The following AGBL4 variants were observed in gnomAD, a reference collection of about 807,000 sequenced individuals.
The protein encoded by AGBL4 is cytosolic carboxypeptidase 6.
Under a neutral mutation model 66.4 loss-of-function variants are expected in AGBL4, and 58 were observed. That is an observed-to-expected ratio of 0.87 (90% CI 0.71 to 1.09). AGBL4 has a LOEUF of 1.09. AGBL4 is among the 50% of genes least tolerant of loss of function. The pLI is 0.00. For missense variants in AGBL4, 579 were observed against 631.0 expected (o/e 0.92, Z 0.88); for synonymous variants, 234 against 222.9 (o/e 1.05, Z -0.44).
In AGBL4 at chr1:49,735,296, G is replaced by GTGTGT. The variant is rs1649779120; in HGVS notation, c.158-37860_158-37859insACACA. Among the ~76,000 whole-genome samples, 158 of 127,386 alleles carry GTGTGT rather than the reference G, an allele frequency of 1.2e-3. 1 individual carries two copies. The highest frequency in any genetic ancestry group is 4.9e-3 in the African/African-American group (151 of 30,846). The allele number at this position is 127,386 out of a possible 152,430, so 83.6% of individuals were successfully genotyped here. ...TAAAACAAAGAGGTAGAGGTGTGTG[G>GTGTGT]GTGTGTGTGTGTGTGTGTGTGTGTG... On this transcript the variant is annotated intron_variant, in intron 2 of 13. Coordinates refer to ENST00000371839, the MANE Select transcript of AGBL4 (RefSeq NM_032785.4).
At chr1:48,796,589 T>C (rs1339342613) in intron 6 of AGBL4, among the ~76,000 whole-genome samples, 1 of 152,210 alleles carries the variant, frequency 6.6e-6, no homozygotes, top group African/African-American at 2.4e-5. Context: ...ATATACATAG[T>C]TGGGCACAGC....
At chr1:49,168,061 T>G (rs747047925) in intron 4 of AGBL4, among the ~76,000 whole-genome samples, 2 of 152,240 alleles carry the variant, frequency 1.3e-5, no homozygotes, top group Non-Finnish European at 2.9e-5. Context: ...GTAGGTTATA[T>G]GCAAATGCTA....
chr1:49,882,055 G>T (rs1272181970), intron 1 of AGBL4, among the ~76,000 whole-genome samples: 1 of 151,962 alleles, frequency 6.6e-6, no homozygotes, highest in East Asian at 1.9e-4. Context: ...ATCTTGAATT[G>T]ATTTTCATAT....
At chr1:49,833,314 C>T (rs1221557890) in intron 2 of AGBL4, among the ~76,000 whole-genome samples, 8 of 150,866 alleles carry the variant, frequency 5.3e-5, no homozygotes, top group Non-Finnish European at 6.0e-5. Context: ...AGATATGCGG[C>T]GTTATTTCTG....
chr1:49,741,442 A>C (rs539427945), intron 2 of AGBL4, among the ~76,000 whole-genome samples: 1 of 152,344 alleles, frequency 6.6e-6, no homozygotes, highest in East Asian at 1.9e-4. Flanking sequence ...CCAACAGCAA[A>C]TGGATTCACA....
intron 3 of AGBL4, among the ~76,000 whole-genome samples, chr1:49,451,263 C>A (rs373995650): frequency 1.6e-4 from 25 of 151,966 alleles, no homozygotes; most frequent in East Asian, 5.8e-4. Flanking sequence ...CTTTGACTTC[C>A]AGACCCAAAT....
rs1285308574 is a variant in AGBL4, at chr1:49,808,427, AACTT to A, written c.157+42965_157+42968del. On this transcript the variant is annotated intron_variant, in intron 2 of 13. Transcript: ENST00000371839. ...ACTGACTTTGGGGTGCCTCTCAGAC[AACTT>A]ACTTCATAAATGCACAGAGCTGAAT... 3.9e-5 allele frequency among the ~76,000 whole-genome samples: 6 copies of A among 152,196 alleles called. No homozygotes were observed. In the East Asian group the frequency reaches 1.2e-3, roughly 29 times the overall value.
chr1:49,486,619 CT>C (rs1383452011), intron 3 of AGBL4, among the ~76,000 whole-genome samples: 1 of 151,980 alleles, frequency 6.6e-6, no homozygotes, highest in Non-Finnish European at 1.5e-5. Flanking sequence ...CCCTCACTAC[CT>C]ATTTCACTCT....
At chr1:49,318,427 A>G (rs1467964977) in intron 3 of AGBL4, among the ~76,000 whole-genome samples, 1 of 150,586 alleles carries the variant, frequency 6.6e-6, no homozygotes, top group African/African-American at 2.5e-5. Context: ...GATGATGATG[A>G]CGGCAATGAT....
chr1:49,878,251 T>A (rs1246552130), intron 1 of AGBL4, among the ~76,000 whole-genome samples: 3 of 149,836 alleles, frequency 2.0e-5, no homozygotes, highest in Admixed American at 1.3e-4. Flanking sequence ...ATTGTGATCT[T>A]AGGGTGTCAA....
chr1:48,670,339 C>T (rs750312184), intron 6 of AGBL4, among the ~76,000 whole-genome samples: 2 of 152,230 alleles, frequency 1.3e-5, no homozygotes, highest in Non-Finnish European at 2.9e-5. Flanking sequence ...GAACGAGTGA[C>T]TTGCCCCTGG....
intron 3 of AGBL4, among the ~76,000 whole-genome samples, chr1:49,624,563 C>A (rs1558111543): frequency 6.6e-6 from 1 of 152,174 alleles, no homozygotes; most frequent in Non-Finnish European, 1.5e-5. Context: ...GGTAAAATAT[C>A]TTTAAACGCA....
chr1:49,985,260 T>C (rs188595350), intron 1 of AGBL4, among the ~76,000 whole-genome samples: 40 of 152,274 alleles, frequency 2.6e-4, no homozygotes, highest in African/African-American at 9.4e-4. Context: ...ATTGAAATTA[T>C]TTTTTAAAAT....
In AGBL4 at chr1:48,742,454, C is replaced by T. The variant is rs956636190; in HGVS notation, c.635-79213G>A. 1.3e-5 allele frequency among the ~76,000 whole-genome samples: 2 copies of T among 152,164 alleles called. 1 individual carries two copies. Among genetic ancestry groups the T allele is most frequent in the South Asian group, 4.2e-4 (2 of 4,796 alleles). On this transcript the variant is annotated intron_variant, in intron 6 of 13. Coordinates refer to ENST00000371839, the MANE Select transcript of AGBL4 (RefSeq NM_032785.4). Reference sequence around the variant, plus strand: ...AAGGAAGAAGGAAGAGAAAACGCCCCAGCAAAGCTACGCTACTGATAGTAT... The same window carrying T: ...AAGGAAGAAGGAAGAGAAAACGCCCTAGCAAAGCTACGCTACTGATAGTAT...
chr1:49,081,387 T>A (rs1327660076), intron 4 of AGBL4, among the ~76,000 whole-genome samples: 1 of 152,206 alleles, frequency 6.6e-6, no homozygotes, highest in Admixed American at 6.5e-5. Context: ...AGTTTCTTTG[T>A]CTACAGAATG....
chr1:49,798,305 A>C (rs1316888752), intron 2 of AGBL4, among the ~76,000 whole-genome samples: 1 of 152,212 alleles, frequency 6.6e-6, no homozygotes, highest in African/African-American at 2.4e-5. Context: ...TAAGTTAAGC[A>C]GTGTTAAGAA....
rs1650193024 is a variant in AGBL4, at chr1:48,743,168, T to G, written c.635-79927A>C. Among the ~76,000 whole-genome samples, 3 of 152,152 alleles carry G rather than the reference T, an allele frequency of 2.0e-5. No individual in the cohort carries two copies. In the South Asian group the frequency reaches 6.2e-4, roughly 32 times the overall value. ...AAATCCTCACCTCAGTATCTTACAG[T>G]GGAGAAGGCCGTAACAGAAGAAGGG... On this transcript the variant is annotated intron_variant, in intron 6 of 13. Transcript: ENST00000371839.
At chr1:49,801,592 T>G (rs991434976) in intron 2 of AGBL4, among the ~76,000 whole-genome samples, 1 of 152,130 alleles carries the variant, frequency 6.6e-6, no homozygotes, top group African/African-American at 2.4e-5. Flanking sequence ...TCCCTGAGGA[T>G]CTCAAATATA....
intron 3 of AGBL4, among the ~76,000 whole-genome samples, chr1:49,440,173 C>T (rs1645995181): frequency 6.6e-6 from 1 of 151,546 alleles, no homozygotes; most frequent in Admixed American, 6.6e-5. Context: ...GGGTTCACAC[C>T]ATTCTCCTGC....
Sources: gnomAD v4.1 joint callset for allele counts (sites outside exome capture counted in the v4.1 genomes callset) on GRCh38, gnomAD v4.1.1 for gene constraint, MANE v1.5 for transcripts, NCBI Gene and HGNC (gene_info 2026-07-23, HGNC 2026-07-21) for gene names.